SMYD3: variants seen among roughly 807,000 people sequenced by gnomAD.
SMYD3 encodes histone-lysine N-methyltransferase SMYD3.
In SMYD3, 36 loss-of-function variants were observed where a neutral mutation model predicts 57.7. That is an observed-to-expected ratio of 0.62 (90% CI 0.48 to 0.82). The LOEUF (loss-of-function observed/expected upper bound fraction) is 0.82, where lower values mean the gene tolerates loss of function less well. Ranked by LOEUF, SMYD3 falls within the 40% of genes least tolerant of loss-of-function variation. The probability of loss-of-function intolerance (pLI) is 0.00; values close to 1 mark genes in which losing one functional copy is unlikely to be tolerated. For synonymous variants in SMYD3, 211 were observed against 195.0 expected (o/e 1.08, Z -0.68); for missense variants, 515 against 538.8 (o/e 0.96, Z 0.44).
intron 10 of SMYD3, among the ~76,000 whole-genome samples, chr1:245,821,011 C>T (rs2049126206): frequency 6.6e-6 from 1 of 150,984 alleles, no homozygotes. Flanking sequence ...CATGAAGCTA[C>T]CAATGCCTTT....
chr1:246,311,642 C>T (rs903327140), intron 5 of SMYD3, among the ~76,000 whole-genome samples: 11 of 152,288 alleles, frequency 7.2e-5, no homozygotes, highest in Admixed American at 2.0e-4. Flanking sequence ...ACGCGTGACA[C>T]GCATACACAC....
At chr1:245,775,151 CG>C (rs1205460425) in intron 10 of SMYD3, among the ~76,000 whole-genome samples, 1 of 152,090 alleles carries the variant, frequency 6.6e-6, no homozygotes, top group Non-Finnish European at 1.5e-5. Flanking sequence ...CATCTCCGCC[CG>C]GCAGCCGCCC....
chr1:245,941,364 A>G (rs1030170947), intron 5 of SMYD3, among the ~76,000 whole-genome samples: 4 of 152,136 alleles, frequency 2.6e-5, no homozygotes, highest in Non-Finnish European at 5.9e-5. Context: ...ACTCATAATC[A>G]TCAGATTCTC....
chr1:245,986,349 A>C (rs542522083), intron 5 of SMYD3, among the ~76,000 whole-genome samples: 9 of 152,320 alleles, frequency 5.9e-5, no homozygotes, highest in African/African-American at 2.2e-4. Flanking sequence ...CAGATACTTG[A>C]GAGTTTTACA....
chr1:246,120,603 T>A (rs886974348), intron 5 of SMYD3, among the ~76,000 whole-genome samples: 2 of 152,040 alleles, frequency 1.3e-5, no homozygotes, highest in African/African-American at 4.8e-5. Flanking sequence ...GTTCAGGGAG[T>A]ATGTTGTGTC....
At chr1:246,283,289 T>C (rs185844772) in intron 5 of SMYD3, among the ~76,000 whole-genome samples, 11 of 152,346 alleles carry the variant, frequency 7.2e-5, no homozygotes, top group African/African-American at 2.6e-4. Flanking sequence ...AGTGATCATA[T>C]GCACAGAGCT....
chr1:245,940,338 C>A (rs922937701), intron 5 of SMYD3, among the ~76,000 whole-genome samples: 3 of 152,142 alleles, frequency 2.0e-5, no homozygotes, highest in Non-Finnish European at 4.4e-5. Flanking sequence ...CTGGGTGAGA[C>A]CTCCCAACTG....
chr1:246,025,443 G>A (rs200952943), intron 5 of SMYD3, among the ~76,000 whole-genome samples: 27 of 152,288 alleles, frequency 1.8e-4, no homozygotes, highest in African/African-American at 5.3e-4. Flanking sequence ...ACACAAAGAC[G>A]TCTCACATCC....
intron 1 of SMYD3, among the ~76,000 whole-genome samples, chr1:246,476,488 C>T (rs1273770677): frequency 1.3e-5 from 2 of 152,198 alleles, no homozygotes; most frequent in Non-Finnish European, 2.9e-5. Flanking sequence ...TACACTGATG[C>T]TGCTGGTCCA....
At chr1:246,090,520 CTCTTTT>C (rs1337401145) in intron 5 of SMYD3, among the ~76,000 whole-genome samples, 4 of 139,882 alleles carry the variant, frequency 2.9e-5, no homozygotes, top group African/African-American at 1.0e-4. Flanking sequence ...CTTTCTCTCT[CTCTTTT>C]TTTTTTTTTT....
intron 1 of SMYD3, among the ~76,000 whole-genome samples, chr1:246,386,895 A>C (rs1038572887): frequency 1.2e-3 from 177 of 152,058 alleles, no homozygotes; most frequent in Non-Finnish European, 2.0e-3. Context: ...TCTGATATAA[A>C]AAAAAAAAAC....
At position 246,379,081 on chromosome 1, in the gene SMYD3, T is replaced by TACACACACACACAC. The variant is rs34560740; in HGVS notation, c.165-24001_165-23988dup. Among the ~76,000 whole-genome samples, 618 of 130,470 alleles carry TACACACACACACAC rather than the reference T, an allele frequency of 4.7e-3. 7 individuals carry two copies. The highest frequency in any genetic ancestry group is 9.5e-3 in the Admixed American group (109 of 11,518). 85.6% of individuals were successfully genotyped at this position (130,470 alleles called of 152,430 possible). A position where few individuals can be genotyped will look rare whatever the true frequency, so the allele number is the denominator to read the frequency against. Reference sequence around the variant, plus strand: ...ATATATATACTTACACACACATACATACACACACACACACACACACACACA... The same window carrying TACACACACACACAC: ...ATATATATACTTACACACACATACATACACACACACACACACACACACACACACACACACACACA... On this transcript the variant is annotated intron_variant, in intron 1 of 11. Coordinates refer to ENST00000490107, the MANE Select transcript of SMYD3 (RefSeq NM_001167740.2).
At chr1:245,980,283 CAT>C (rs2058563300) in intron 5 of SMYD3, among the ~76,000 whole-genome samples, 1 of 152,198 alleles carries the variant, frequency 6.6e-6, no homozygotes, top group Non-Finnish European at 1.5e-5. Context: ...TCTCCTTGCA[CAT>C]GTGTGGCAGG....
At chr1:245,986,104 A>G (rs764056295) in intron 5 of SMYD3, among the ~76,000 whole-genome samples, 38 of 152,352 alleles carry the variant, frequency 2.5e-4, no homozygotes, top group Non-Finnish European at 4.3e-4. Flanking sequence ...GATCGTTTTT[A>G]GCGTTTAATT....
intron 10 of SMYD3, among the ~76,000 whole-genome samples, chr1:245,847,632 C>A (rs1322904286): frequency 6.6e-6 from 1 of 152,136 alleles, no homozygotes; most frequent in Non-Finnish European, 1.5e-5. Flanking sequence ...GAAAAGAGAG[C>A]AGCTTGGTAG....
At chr1:245,883,741 G>A (rs993452731) in intron 8 of SMYD3, among the ~76,000 whole-genome samples, 3 of 152,160 alleles carry the variant, frequency 2.0e-5, no homozygotes, top group Non-Finnish European at 4.4e-5. Flanking sequence ...CAAATCTAGC[G>A]AGATGAATCC....
At chr1:246,230,954 C>G (rs10924578) in intron 5 of SMYD3, among the ~76,000 whole-genome samples, 40,528 of 152,048 alleles carry the variant, frequency 0.27, 6,085 homozygotes, top group East Asian at 0.58. Flanking sequence ...AGTAGTATCT[C>G]TCTCAGTTAC....
chr1:246,486,793 C>A (rs1330168632), intron 1 of SMYD3, among the ~76,000 whole-genome samples: 3 of 152,202 alleles, frequency 2.0e-5, no homozygotes, highest in African/African-American at 7.2e-5. Context: ...AATCTCACCA[C>A]CCCCAAAAAA....
chr1:246,164,352 G>A (rs1242031416), intron 5 of SMYD3, among the ~76,000 whole-genome samples: 1 of 152,124 alleles, frequency 6.6e-6, no homozygotes, highest in Non-Finnish European at 1.5e-5. Flanking sequence ...CCCGGGAGGC[G>A]GAGGTTGCAG....
Sources: allele counts gnomAD v4.1 joint callset (sites outside exome capture counted in the v4.1 genomes callset), GRCh38; gene constraint gnomAD v4.1.1; transcripts MANE v1.5; gene names NCBI Gene and HGNC (gene_info 2026-07-23, HGNC 2026-07-21).